UGT2B17: variants seen among roughly 807,000 people sequenced by gnomAD.
UGT2B17 encodes UDP glucuronosyltransferase family 2 member B17.
A neutral mutation model predicts 48.2 loss-of-function variants in UGT2B17; 21 were observed. The observed-to-expected ratio is 0.44, with a 90% CI of 0.31 to 0.63. The LOEUF is 0.63. UGT2B17 is among the 20% of genes least tolerant of loss of function. UGT2B17 has a pLI of 0.08. For missense variants in UGT2B17, 402 were observed against 696.1 expected (o/e 0.58, Z 4.75); for synonymous variants, 146 against 238.4 (o/e 0.61, Z 3.57).
chr4:68,559,053 G>A (rs1402567232), intron 4 of UGT2B17, among the ~76,000 whole-genome samples: 1 of 125,350 alleles, frequency 8.0e-6, no homozygotes, highest in South Asian at 3.6e-4. Context: ...TAAAAAAGTA[G>A]CAAATTAGTA....
chr4:68,568,763 C>T lies in UGT2B17; in HGVS notation c.-64-215G>A, dbSNP rs1307062081. Among the ~76,000 whole-genome samples, 10 of 126,518 alleles carry T rather than the reference C, an allele frequency of 7.9e-5. 2 individuals are homozygous for T. Among genetic ancestry groups the T allele is most frequent in the Non-Finnish European group, 1.5e-4 (9 of 59,714 alleles). 83.0% of individuals were successfully genotyped at this position (126,518 alleles called of 152,430 possible). ...TGAGAGGCTCCTGCCTGTTCGGTGCCCTTGACATAGAGAGAAGAAGTAATT... is the reference window on the plus strand; with the variant it reads ...TGAGAGGCTCCTGCCTGTTCGGTGCTCTTGACATAGAGAGAAGAAGTAATT... On this transcript the variant is annotated intron_variant, in intron 1 of 6. Coordinates refer to ENST00000317746, the MANE Select transcript of UGT2B17 (RefSeq NM_001077.4).
intron 1 of UGT2B17, among the ~76,000 whole-genome samples, chr4:68,573,395 A>G (rs1731325239): frequency 8.0e-6 from 1 of 125,166 alleles, no homozygotes; most frequent in African/African-American, 2.7e-5. Flanking sequence ...TAACTCATGA[A>G]AAGCTCTTTG....
At chr4:68,549,794 C>A (rs1395818289) in intron 6 of UGT2B17, among the ~76,000 whole-genome samples, 2 of 125,880 alleles carry the variant, frequency 1.6e-5, no homozygotes, top group Admixed American at 8.2e-5. Context: ...CACTCCTAGC[C>A]TCTCCTCAAA....
intron 5 of UGT2B17, 33 bp downstream of exon 5, chr4:68,551,791 A>G: frequency 8.3e-7 from 1 of 1,208,392 alleles, no homozygotes; most frequent in Non-Finnish European, 1.1e-6. Flanking sequence ...GGCTGTTACT[A>G]ATATATTCAG....
intron 4 of UGT2B17, among the ~76,000 whole-genome samples, chr4:68,554,854 A>T (rs182927999): frequency 8.0e-6 from 1 of 125,664 alleles, no homozygotes; most frequent in African/African-American, 2.7e-5. Context: ...CAAGAATTTG[A>T]AAGTCTAATA....
At position 68,568,141 on chromosome 4, in the gene UGT2B17, T is replaced by C; in HGVS notation, c.344A>G (p.Glu115Gly). The stretch of plus-strand genomic sequence containing the variant: ...ATAGTCAGAATATTCCCAACACAAT[T>C]CTTGTAGTTGTGAAAAATATGACCA... ...TFWSYFSQLQ[E>G]LCWEYSDYNI... is the part of the protein sequence containing the mutation. Residue 115 changes from glutamate (E) to glycine (G), a missense_variant, in exon 2 of 7, where the codon GAA becomes GGA. Glu to Gly is a moderately conservative substitution (Grantham distance 98). Coordinates refer to ENST00000317746, the MANE Select transcript of UGT2B17 (RefSeq NM_001077.4). 2 of 1,381,492 alleles carry C rather than the reference T, an allele frequency of 1.4e-6. 1 individual carries two copies. Among genetic ancestry groups the C allele is most frequent in the Non-Finnish European group, 1.9e-6 (2 of 1,054,906 alleles). The allele number at this position is 1,381,492 out of a possible 1,614,324, so 85.6% of individuals were successfully genotyped here. A position where few individuals can be genotyped will look rare whatever the true frequency, so the allele number is the denominator to read the frequency against.
At chr4:68,555,814 A>C (rs1246658889) in intron 4 of UGT2B17, among the ~76,000 whole-genome samples, 4 of 125,176 alleles carry the variant, frequency 3.2e-5, no homozygotes, top group African/African-American at 1.1e-4. Context: ...TTTTTTAAAA[A>C]GGTGAAGAAG....
In UGT2B17 at chr4:68,555,142, A is replaced by C. The variant is rs1352571844; in HGVS notation, c.1006-3231T>G. On this transcript the variant is annotated intron_variant, in intron 4 of 6. Coordinates refer to ENST00000317746, the MANE Select transcript of UGT2B17 (RefSeq NM_001077.4). Reference sequence around the variant, plus strand: ...TAAAGTATGATAATATTAGAAATGCATTAAGACTTGCCAGCATACATTTTT... The same window carrying C: ...TAAAGTATGATAATATTAGAAATGCCTTAAGACTTGCCAGCATACATTTTT... Among the ~76,000 whole-genome samples the C allele has an allele frequency of 1.4e-4, 18 of 126,080 alleles. 6 individuals carry two copies. The highest frequency in any genetic ancestry group is 1.3e-3 in the Admixed American group (16 of 12,260). The allele number at this position is 126,080 out of a possible 152,430, so 82.7% of individuals were successfully genotyped here.
At position 68,567,810 on chromosome 4, in the gene UGT2B17, A is replaced by C; in HGVS notation, c.675T>G (p.Phe225Leu). ...CCCACTTCTTCAGATCATATGCTTG[A>C]AACCAAAAGTCAAAATAAAGCATAT... is the stretch of plus-strand genomic sequence containing the variant. ...MIYMLYFDFW[F>L]QAYDLKKWDQ... The change falls in exon 2 of 7, where the codon TTT (phenylalanine) becomes TTG (leucine). Residue 225 changes from phenylalanine (F) to leucine (L), a missense_variant. Around this residue, in one of 5 missense-constraint regions of UGT2B17, gnomAD observed 106 missense variants for 169.8 expected, o/e 0.62. Coordinates refer to ENST00000317746, the MANE Select transcript of UGT2B17 (RefSeq NM_001077.4). 1 of 1,367,130 alleles carries C rather than the reference A, an allele frequency of 7.3e-7. No individual in the cohort carries two copies. Among genetic ancestry groups the C allele is most frequent in the Non-Finnish European group, 9.5e-7 (1 of 1,050,622 alleles). 84.7% of individuals were successfully genotyped at this position (1,367,130 alleles called of 1,614,324 possible).
rs761942033 is a variant in UGT2B17, at chr4:68,537,891, T to C, written c.1327A>G (p.Ile443Val). ...VINDPIYKEN[I>V]MKLSRIHHDQ... Reference sequence around the variant, plus strand: ...TGATGAATTCTTGATAATTTCATGATATTCTCTTTATAGCTGAAGGATAAA... The same window carrying C: ...TGATGAATTCTTGATAATTTCATGACATTCTCTTTATAGCTGAAGGATAAA... Residue 443 changes from isoleucine (I) to valine (V), a missense_variant, in exon 7 of 7, where the codon ATC becomes GTC. By Grantham distance (29) the Ile-to-Val change is conservative. Around this residue, in one of 5 missense-constraint regions of UGT2B17, gnomAD observed 156 missense variants for 258.6 expected, o/e 0.60. Transcript: ENST00000317746. 3.7e-6 allele frequency: 5 copies of C among 1,364,296 alleles called. 2 individuals carry two copies. The African/African-American group carries it at 4.4e-5, about 12-fold the overall frequency. The allele number at this position is 1,364,296 out of a possible 1,614,324, so 84.5% of individuals were successfully genotyped here.
In UGT2B17 at chr4:68,537,741, C is replaced by A. The variant is rs1427060237; in HGVS notation, c.1477G>T (p.Asp493Tyr). The A allele has an allele frequency of 2.2e-6, 3 of 1,379,388 alleles. 1 individual carries two copies. The highest frequency in any genetic ancestry group is 2.8e-6 in the Non-Finnish European group (3 of 1,054,936). The allele number at this position is 1,379,388 out of a possible 1,614,324, so 85.4% of individuals were successfully genotyped here. Residue 493 changes from aspartate (D) to tyrosine (Y), a missense_variant, in exon 7 of 7, where the codon GAT (aspartate) becomes TAT (tyrosine). Physicochemically the swap from Asp to Tyr is radical, Grantham distance 160. Transcript: ENST00000317746. ...NLTWIQYHSL[D>Y]VIAFLLACVA... ...CAGGCCAGCAGGAATGCTATCACAT[C>A]CAAAGAGTGGTACTGGATCCAGGTG...
chr4:68,564,183 AT>A (rs1261874524), intron 3 of UGT2B17, among the ~76,000 whole-genome samples: 1 of 119,662 alleles, frequency 8.4e-6, no homozygotes, highest in South Asian at 4.0e-4. Context: ...GAACATTGGG[AT>A]TTTTTTTGAA....
rs1184692977 is a variant in UGT2B17, at chr4:68,566,195, C to T, written c.725-475G>A. 1.7e-5 allele frequency among the ~76,000 whole-genome samples: 2 copies of T among 118,020 alleles called. 1 individual carries two copies. The highest frequency in any genetic ancestry group is 3.5e-5 in the Non-Finnish European group (2 of 57,508). 77.4% of individuals were successfully genotyped at this position (118,020 alleles called of 152,430 possible). ...AAAATAATTTAATATAATGTAAATA[C>T]ATTATATTAAATACATTTATATAGT... On this transcript the variant is annotated intron_variant, in intron 2 of 6. Coordinates refer to ENST00000317746, the MANE Select transcript of UGT2B17 (RefSeq NM_001077.4).
chr4:68,574,137 T>G lies in UGT2B17; in HGVS notation c.-65+1814A>C, dbSNP rs1731333912. Among the ~76,000 whole-genome samples the G allele has an allele frequency of 3.9e-5, 5 of 127,290 alleles. 2 individuals are homozygous for G. Among genetic ancestry groups the G allele is most frequent in the Admixed American group, 1.6e-4 (2 of 12,606 alleles). 83.5% of individuals were successfully genotyped at this position (127,290 alleles called of 152,430 possible). A position where few individuals can be genotyped will look rare whatever the true frequency, so the allele number is the denominator to read the frequency against. ...TCCATTTCAACCAGGCATTTGTAGCTTGATATACTGTCTTAATTGCTAAAG... is the reference window on the plus strand; with the variant it reads ...TCCATTTCAACCAGGCATTTGTAGCGTGATATACTGTCTTAATTGCTAAAG... On this transcript the variant is annotated intron_variant, in intron 1 of 6. Coordinates refer to ENST00000317746, the MANE Select transcript of UGT2B17 (RefSeq NM_001077.4).
At chr4:68,554,536 G>A (rs1403384926) in intron 4 of UGT2B17, among the ~76,000 whole-genome samples, 1 of 125,024 alleles carries the variant, frequency 8.0e-6, no homozygotes, top group African/African-American at 2.7e-5. Context: ...GCAAGCTGGT[G>A]ATTTTTTTTT....
rs1425199084 is a variant in UGT2B17 at position 68,545,337 on chromosome 4, T to C, written c.1313+5340A>G. 1.6e-5 allele frequency among the ~76,000 whole-genome samples: 2 copies of C among 125,544 alleles called. 1 individual carries two copies. The highest frequency in any genetic ancestry group is 3.4e-5 in the Non-Finnish European group (2 of 59,194). 82.4% of individuals were successfully genotyped at this position (125,544 alleles called of 152,430 possible). On this transcript the variant is annotated intron_variant, in intron 6 of 6. Transcript: ENST00000317746. ...TTCTGAATGACTACTGGGTACATAA[T>C]GAAATGAAGGCAGAATTAAAGATGT...
chr4:68,567,276 C>A lies in UGT2B17; in HGVS notation c.724+485G>T, dbSNP rs1300910946. Among the ~76,000 whole-genome samples, 2 of 125,856 alleles carry A rather than the reference C, an allele frequency of 1.6e-5. 1 individual carries two copies. The highest frequency in any genetic ancestry group is 3.4e-5 in the Non-Finnish European group (2 of 59,514). The allele number at this position is 125,856 out of a possible 152,430, so 82.6% of individuals were successfully genotyped here. ...GGCTTCTGTTTCTGGAGTAGAGCCA[C>A]TATATTTCTCAACTGTGAAGGAATC... On this transcript the variant is annotated intron_variant, in intron 2 of 6. Coordinates refer to ENST00000317746, the MANE Select transcript of UGT2B17 (RefSeq NM_001077.4).
At position 68,544,701 on chromosome 4, in the gene UGT2B17, T is replaced by A. The variant is rs560585097; in HGVS notation, c.1313+5976A>T. Among the ~76,000 whole-genome samples the A allele has an allele frequency of 5.2e-4, 65 of 125,394 alleles. 14 individuals carry two copies. The highest frequency in any genetic ancestry group is 1.6e-3 in the African/African-American group (60 of 36,684). 82.3% of individuals were successfully genotyped at this position (125,394 alleles called of 152,430 possible). On this transcript the variant is annotated intron_variant, in intron 6 of 6. Coordinates refer to ENST00000317746, the MANE Select transcript of UGT2B17 (RefSeq NM_001077.4). ...CACTGTGCTGTATTCAGGAAACCCA[T>A]CTCATGTGCAGAGACACACATAGGC...
Position 68,557,831 on chromosome 4 carries a change from A to T in UGT2B17, c.1005+2706T>A, listed in dbSNP as rs1160896000. ...ATCAAACTTAACTTATGGAGCCAAT[A>T]AAACCCCTTGGGAAAACTGGCCTCA... On this transcript the variant is annotated intron_variant, in intron 4 of 6. Transcript: ENST00000317746. Among the ~76,000 whole-genome samples the T allele has an allele frequency of 4.0e-5, 5 of 125,076 alleles. 1 individual carries two copies. Among genetic ancestry groups the T allele is most frequent in the Non-Finnish European group, 8.5e-5 (5 of 58,916 alleles). 82.1% of individuals were successfully genotyped at this position (125,076 alleles called of 152,430 possible).
Sources: allele counts gnomAD v4.1 joint callset (sites outside exome capture counted in the v4.1 genomes callset), GRCh38; gene constraint gnomAD v4.1.1; regional missense constraint gnomAD v4.1.1; transcripts MANE v1.5; gene names NCBI Gene and HGNC (gene_info 2026-07-23, HGNC 2026-07-21).